Variants in SCN8A observed in about 807,000 individuals in gnomAD.
The protein encoded by SCN8A is sodium channel protein type 8 subunit alpha.
SCN8A carries 30 observed loss-of-function variants against 184.1 expected under a neutral mutation model. That is an observed-to-expected ratio of 0.16 (90% CI 0.12 to 0.22). SCN8A has a LOEUF of 0.22. Ranked by LOEUF, SCN8A falls within the 10% of genes least tolerant of loss-of-function variation. The pLI is 1.00. For missense variants in SCN8A, 1,057 were observed against 2,498.9 expected (o/e 0.42, Z 12.30); for synonymous variants, 852 against 907.0 (o/e 0.94, Z 1.09).
At chr12:51,727,582 A>G (rs1027928976) in intron 12 of SCN8A, among the ~76,000 whole-genome samples, 1 of 152,176 alleles carries the variant, frequency 6.6e-6, no homozygotes, top group Non-Finnish European at 1.5e-5. Context: ...AAGCCCAAGC[A>G]GAATTCTAGG....
chr12:51,658,385 A>T (rs567969379), intron 1 of SCN8A, among the ~76,000 whole-genome samples: 229 of 151,966 alleles, frequency 1.5e-3, no homozygotes, highest in Non-Finnish European at 2.6e-3. Flanking sequence ...TATAATTGGG[A>T]TTGCTTTCTT....
chr12:51,792,071 C>T (rs1938271058), intron 25 of SCN8A, among the ~76,000 whole-genome samples: 1 of 151,934 alleles, frequency 6.6e-6, no homozygotes, highest in Non-Finnish European at 1.5e-5. Context: ...AGTAAGCAAA[C>T]AGCTACAATA....
intron 2 of SCN8A, among the ~76,000 whole-genome samples, chr12:51,677,285 G>T (rs1286209368): frequency 6.6e-6 from 1 of 151,612 alleles, no homozygotes; most frequent in Non-Finnish European, 1.5e-5. Context: ...ATGGAGTTTT[G>T]CCATGTTGCC....
intron 2 of SCN8A, among the ~76,000 whole-genome samples, chr12:51,663,903 AT>A (rs796653928): frequency 0.051 from 3,560 of 69,656 alleles, 46 homozygotes; most frequent in East Asian, 0.18. Context: ...CATTTGACAG[AT>A]TTTTTTTTTT....
intron 9 of SCN8A, 24 bp from the exon 10 acceptor site, chr12:51,705,393 A>G (rs772639212): frequency 3.1e-6 from 5 of 1,612,068 alleles, no homozygotes; most frequent in Non-Finnish European, 4.2e-6. Context: ...CAAGTGACTC[A>G]GAAAATGGCC....
chr12:51,699,113 T>G (rs1321551840), intron 6 of SCN8A, among the ~76,000 whole-genome samples: 3 of 151,898 alleles, frequency 2.0e-5, no homozygotes, highest in East Asian at 3.9e-4. Context: ...GGAAGAAGAG[T>G]TGCAAAGTCA....
At position 51,780,720 on chromosome 12, in the gene SCN8A, C is replaced by T. The variant is rs1937893277; in HGVS notation, c.3891C>T (p.Thr1297=). Residue 1297 remains threonine (T), a synonymous_variant, in exon 21 of 27, where the codon ACC becomes ACT. Transcript: ENST00000627620. Reference sequence around the variant, plus strand: ...TAGGTGCCATAAAGTCCCTTAGGACCCTAAGAGCTTTGAGACCCTTAAGAG... The same window carrying T: ...TAGGTGCCATAAAGTCCCTTAGGACTCTAAGAGCTTTGAGACCCTTAAGAG... ...SELGAIKSLR[T]LRALRPLRAL... is the part of the protein sequence containing the mutation. 6.2e-7 allele frequency: 1 copy of T among 1,603,172 alleles called. No homozygotes were observed. The highest frequency in any genetic ancestry group is 8.5e-7 in the Non-Finnish European group (1 of 1,176,296).
At chr12:51,776,865 C>T (rs1937720166) in intron 20 of SCN8A, among the ~76,000 whole-genome samples, 2 of 152,194 alleles carry the variant, frequency 1.3e-5, no homozygotes, top group Admixed American at 6.5e-5. Context: ...TTTCATTCTT[C>T]CTTGTTGCCT....
intron 1 of SCN8A, among the ~76,000 whole-genome samples, chr12:51,645,370 G>C (rs1363384593): frequency 6.6e-6 from 1 of 151,726 alleles, no homozygotes; most frequent in Non-Finnish European, 1.5e-5. Context: ...TGCCCCGTCC[G>C]GGAGGTGAGG....
intron 12 of SCN8A, among the ~76,000 whole-genome samples, chr12:51,727,447 G>T (rs1181185022): frequency 1.3e-5 from 2 of 152,112 alleles, no homozygotes; most frequent in Admixed American, 1.3e-4. Context: ...TAGAGAAGGG[G>T]AGGGAAAGGG....
chr12:51,613,117 A>G (rs1939759070), intron 1 of SCN8A, among the ~76,000 whole-genome samples: 1 of 152,062 alleles, frequency 6.6e-6, no homozygotes, highest in African/African-American at 2.4e-5. Context: ...GTCTTTGTTT[A>G]GTTTTGGTAT....
intron 1 of SCN8A, among the ~76,000 whole-genome samples, chr12:51,656,908 A>G (rs1940832054): frequency 6.6e-6 from 1 of 152,190 alleles, no homozygotes; most frequent in Non-Finnish European, 1.5e-5. Context: ...GCTGTTGGGA[A>G]TACAAAATGG....
intron 10 of SCN8A, among the ~76,000 whole-genome samples, 152 bp from the exon 11 acceptor site, chr12:51,706,270 A>G (rs1941781235): frequency 6.6e-6 from 1 of 152,224 alleles, no homozygotes; most frequent in Non-Finnish European, 1.5e-5. Flanking sequence ...TGTGTGCCAG[A>G]ATACACAGAA....
At chr12:51,780,934 G>C (rs559362873) in intron 21 of SCN8A, among the ~76,000 whole-genome samples, 163 bp downstream of exon 21, 23 of 152,226 alleles carry the variant, frequency 1.5e-4, no homozygotes, top group African/African-American at 5.5e-4. Flanking sequence ...GTGCAAAGGG[G>C]AATTGCGTTA....
intron 9 of SCN8A, among the ~76,000 whole-genome samples, chr12:51,704,655 G>A (rs1324782735): frequency 8.5e-6 from 1 of 118,342 alleles, no homozygotes; most frequent in African/African-American, 3.3e-5. Flanking sequence ...GGGTGACAGA[G>A]CAAGACTCCA....
chr12:51,700,731 A>G (rs1905245), intron 7 of SCN8A, among the ~76,000 whole-genome samples: 125,718 of 152,164 alleles, frequency 0.83, 53,146 homozygotes, highest in East Asian at 0.97. Flanking sequence ...GTAATTTAAA[A>G]TAGGACCTAG....
chr12:51,666,659 G>T (rs1229426781), intron 2 of SCN8A, among the ~76,000 whole-genome samples: 1 of 152,114 alleles, frequency 6.6e-6, no homozygotes, highest in Admixed American at 6.5e-5. Context: ...TCTAACTGAT[G>T]AATTGTCTTT....
chr12:51,645,681 G>C (rs1489515893), intron 1 of SCN8A, among the ~76,000 whole-genome samples: 7 of 151,754 alleles, frequency 4.6e-5, no homozygotes, highest in African/African-American at 1.7e-4. Flanking sequence ...TGAAACATGT[G>C]CTGTATCCAC....
intron 14 of SCN8A, among the ~76,000 whole-genome samples, chr12:51,759,049 C>CA (rs969981061): frequency 2.0e-5 from 3 of 151,632 alleles, no homozygotes; most frequent in African/African-American, 7.3e-5. Context: ...TACCACATAA[C>CA]AACATTTTGG....
Sources: allele counts gnomAD v4.1 joint callset (sites outside exome capture counted in the v4.1 genomes callset), GRCh38; gene constraint gnomAD v4.1.1; transcripts MANE v1.5; gene names NCBI Gene and HGNC (gene_info 2026-07-23, HGNC 2026-07-21).